The following DSN1 variants were observed in gnomAD, a reference collection of about 807,000 sequenced individuals.
DSN1 encodes the protein DSN1 component of MIS12 kinetochore complex.
A neutral mutation model predicts 45.7 loss-of-function variants in DSN1; 31 were observed. That is an observed-to-expected ratio of 0.68 (90% CI 0.51 to 0.92). The LOEUF (loss-of-function observed/expected upper bound fraction) is 0.92, where lower values mean the gene tolerates loss of function less well. DSN1 is among the 40% of genes least tolerant of loss of function. DSN1 has a pLI of 0.00. For synonymous variants in DSN1, 134 were observed against 142.3 expected, an observed-to-expected ratio of 0.94 and a Z score of 0.41; for missense variants, 394 against 414.2, an observed-to-expected ratio of 0.95 and a Z score of 0.42.
At chr20:36,754,697 G>A in intron 10 of DSN1, 66 bp downstream of exon 10, 2 of 1,417,340 alleles carry the variant, frequency 1.4e-6, no homozygotes, top group Non-Finnish European at 2.0e-6. Flanking sequence ...TTGAAGGGCA[G>A]TTTGTATCCC....
chr20:36,768,993 T>G (rs1987497009), intron 3 of DSN1, among the ~76,000 whole-genome samples: 1 of 152,212 alleles, frequency 6.6e-6, no homozygotes, highest in South Asian at 2.1e-4. Flanking sequence ...TATATACGTA[T>G]TTCATTAAAC....
chr20:36,766,271 A>G (rs1365978111), intron 5 of DSN1, among the ~76,000 whole-genome samples: 4 of 151,954 alleles, frequency 2.6e-5, no homozygotes, highest in Non-Finnish European at 2.9e-5. Flanking sequence ...GGCCATAGCT[A>G]CCTTTGGGGA....
intron 7 of DSN1, 22 bp downstream of exon 7, chr20:36,758,536 T>A (rs2148262872): frequency 6.3e-7 from 1 of 1,587,546 alleles, no homozygotes; most frequent in Admixed American, 1.8e-5. Flanking sequence ...GAATTTAGAT[T>A]TTCTAACAAA....
intron 5 of DSN1, among the ~76,000 whole-genome samples, chr20:36,766,194 C>CAAAAAAAAAA (rs368772931): frequency 2.1e-4 from 10 of 47,858 alleles, no homozygotes; most frequent in East Asian, 6.9e-4. Flanking sequence ...GACTCCATCT[C>CAAAAAAAAAA]AAAAAAAAAA....
At chr20:36,765,259 A>G (rs1987253107) in intron 5 of DSN1, among the ~76,000 whole-genome samples, 1 of 150,014 alleles carries the variant, frequency 6.7e-6, no homozygotes, top group East Asian at 1.9e-4. Flanking sequence ...AAAAAAAAAA[A>G]AAAAAAAAAA....
At chr20:36,759,834 G>C (rs1986877070) in intron 6 of DSN1, among the ~76,000 whole-genome samples, 1 of 152,084 alleles carries the variant, frequency 6.6e-6, no homozygotes. Flanking sequence ...CTAGGTAATA[G>C]CTTTCTAAGT....
chr20:36,772,535 C>T (rs567130408), intron 1 of DSN1, among the ~76,000 whole-genome samples: 2 of 152,274 alleles, frequency 1.3e-5, no homozygotes, highest in South Asian at 2.1e-4. Context: ...GTGATCCGCC[C>T]GGCCTCAGCC....
chr20:36,773,625 G>A, intron 1 of DSN1, 37 bp downstream of exon 1: 2 of 985,634 alleles, frequency 2.0e-6, no homozygotes, highest in Non-Finnish European at 2.4e-6. Flanking sequence ...ACAAGTCTGT[G>A]ACTTCCTGAC....
At chr20:36,770,174 C>T (rs1165083076) in intron 3 of DSN1, among the ~76,000 whole-genome samples, 1 of 152,166 alleles carries the variant, frequency 6.6e-6, no homozygotes, top group Non-Finnish European at 1.5e-5. Context: ...AAGTGATCCT[C>T]TTGCCTCAGC....
intron 5 of DSN1, among the ~76,000 whole-genome samples, chr20:36,763,868 A>T (rs1204751645): frequency 7.1e-6 from 1 of 141,210 alleles, no homozygotes; most frequent in Non-Finnish European, 1.5e-5. Context: ...GCCTGGCAAC[A>T]GAGCAAAACT....
chr20:36,760,788 G>A (rs1029967998), intron 6 of DSN1, among the ~76,000 whole-genome samples: 8 of 152,150 alleles, frequency 5.3e-5, no homozygotes, highest in African/African-American at 1.7e-4. Context: ...CTCGGGTTAG[G>A]CTGAGGCAGG....
intron 1 of DSN1, among the ~76,000 whole-genome samples, chr20:36,771,852 C>T (rs566142897): frequency 6.6e-6 from 1 of 152,188 alleles, no homozygotes; most frequent in African/African-American, 2.4e-5. Context: ...TAAACAGTCT[C>T]TAAATCTTTT....
chr20:36,767,866 C>CA (rs1987432295), intron 4 of DSN1, 103 bp downstream of exon 4: 1 of 1,149,596 alleles, frequency 8.7e-7, no homozygotes, highest in Admixed American at 1.8e-5. Flanking sequence ...CATACCACTG[C>CA]ACTCCAGCCT....
Position 36,762,461 on chromosome 20 carries a change from C to T in DSN1, c.590G>A (p.Gly197Glu). ...AGGACAGAAGGGGAACTGCTCTTACCCATTTGAATCTTCAAAACATTTTTG... is the reference window on the plus strand; with the variant it reads ...AGGACAGAAGGGGAACTGCTCTTACTCATTTGAATCTTCAAAACATTTTTG... ...TLQKCFEDSN[G>E]KASDFSLEAS... The change falls in exon 6 of 11, where the codon GGA becomes GAA. Residue 197 changes from glycine to glutamate, a missense_variant and splice_region_variant. Physicochemically the swap from Gly to Glu is moderately conservative, Grantham distance 98. Transcript: ENST00000373750. The T allele has an allele frequency of 6.2e-7, 1 of 1,612,826 alleles. No homozygotes were observed. Among genetic ancestry groups the T allele is most frequent in the South Asian group, 1.1e-5 (1 of 90,906 alleles).
At chr20:36,756,715 CAAGGTCACAAAACT>C (rs1227373169) in intron 8 of DSN1, among the ~76,000 whole-genome samples, 8 of 152,128 alleles carry the variant, frequency 5.3e-5, no homozygotes. Context: ...GTGACTTGCC[CAAGGTCACAAAACT>C]AAGGAACAGT....
chr20:36,753,169 C>A (rs1372333467), intron 10 of DSN1, among the ~76,000 whole-genome samples: 3 of 149,978 alleles, frequency 2.0e-5, no homozygotes, highest in Non-Finnish European at 4.4e-5. Flanking sequence ...CACAGTAAGA[C>A]CTTGTCTCTA....
At chr20:36,762,094 CTAAT>C (rs374854074) in intron 6 of DSN1, among the ~76,000 whole-genome samples, 6 of 149,876 alleles carry the variant, frequency 4.0e-5, no homozygotes, top group South Asian at 2.1e-4. Context: ...AACAAAAGTC[CTAAT>C]TCTTTTTTTT....
At chr20:36,754,890 G>T in intron 9 of DSN1, 40 bp from the exon 10 acceptor site, 1 of 1,567,418 alleles carries the variant, frequency 6.4e-7, no homozygotes, top group Non-Finnish European at 8.8e-7. Flanking sequence ...AAGGTCCATG[G>T]CTTCTTGGAT....
At chr20:36,765,797 CAAA>C (rs755780265) in intron 5 of DSN1, among the ~76,000 whole-genome samples, 1 of 45,132 alleles carries the variant, frequency 2.2e-5, no homozygotes, top group African/African-American at 8.1e-5. Context: ...GAGTCTGTCT[CAAA>C]AAAAAAAAAA....
Sources: allele counts gnomAD v4.1 joint callset (sites outside exome capture counted in the v4.1 genomes callset), GRCh38; gene constraint gnomAD v4.1.1; transcripts MANE v1.5; gene names NCBI Gene and HGNC (gene_info 2026-07-23, HGNC 2026-07-21).